The following ZNF106 variants were observed in gnomAD, a reference collection of about 807,000 sequenced individuals.
ZNF106 encodes zinc finger protein 106.
ZNF106 carries 67 observed loss-of-function variants against 195.1 expected under a neutral mutation model. The ratio of observed to expected loss-of-function variants is 0.34; its 90% CI spans 0.28 to 0.42. The LOEUF is 0.42. Ranked by LOEUF, ZNF106 falls within the 10% of genes least tolerant of loss-of-function variation. The pLI is 1.00. For missense variants in ZNF106, 2,118 were observed against 2,304.5 expected (o/e 0.92, Z 1.66); for synonymous variants, 784 against 818.6 (o/e 0.96, Z 0.72).
In ZNF106 at chr15:42,488,147, T is replaced by C. The variant is rs115487623; in HGVS notation, c.-33+2833A>G. 7.5e-3 allele frequency among the ~76,000 whole-genome samples: 1,145 copies of C among 152,276 alleles called. 19 individuals are homozygous for C. Among genetic ancestry groups the C allele is most frequent in the African/African-American group, 0.025 (1,018 of 41,542 alleles). On this transcript the variant is annotated intron_variant, in intron 1 of 21. Coordinates refer to ENST00000564754, the MANE Select transcript of ZNF106 (RefSeq NM_001366845.3). ...TTTTCAGAAATTTGTGAATTTTTTT[T>C]CCCCAAATATTATCCATCCAAAGTT... is the stretch of plus-strand genomic sequence containing the variant.
At chr15:42,478,836 T>C (rs2141442786) in intron 1 of ZNF106, among the ~76,000 whole-genome samples, 1 of 152,164 alleles carries the variant, frequency 6.6e-6, no homozygotes, top group South Asian at 2.1e-4. Flanking sequence ...CTTTACCTCC[T>C]ACCTTTTTTC....
At chr15:42,440,998 AATAT>A (rs56924955) in intron 10 of ZNF106, among the ~76,000 whole-genome samples, 775 of 22,978 alleles carry the variant, frequency 0.034, 13 homozygotes, top group Non-Finnish European at 0.04. Flanking sequence ...AAAAAAAAAA[AATAT>A]ATATATATAT....
rs192576489 is a variant in ZNF106 at position 42,424,686 on chromosome 15, C to T, written c.5190+148G>A. 1.4e-4 allele frequency: 100 copies of T among 730,542 alleles called. No individual in the cohort carries two copies. The African/African-American group carries it at 1.5e-3, about 11-fold the overall frequency. 45.3% of individuals were successfully genotyped at this position (730,542 alleles called of 1,614,324 possible). A position where few individuals can be genotyped will look rare whatever the true frequency, so the allele number is the denominator to read the frequency against. On this transcript the variant is annotated intron_variant, in intron 16 of 21. Coordinates refer to ENST00000564754, the MANE Select transcript of ZNF106 (RefSeq NM_001366845.3). ...GTAGAGATCGAGTTTTGCCATGTTGCCCTGGCTGGTCTCGAACTTCTGAGC... is the reference window on the plus strand; with the variant it reads ...GTAGAGATCGAGTTTTGCCATGTTGTCCTGGCTGGTCTCGAACTTCTGAGC...
rs781489474 is a variant in ZNF106, at chr15:42,428,025, T to G, written c.4991A>C (p.Asn1664Thr). The change falls in exon 15 of 22, where the codon AAC (asparagine) becomes ACC (threonine). Residue 1664 changes from asparagine to threonine, a missense_variant. Transcript: ENST00000564754. ...GLANGTVVTF[N>T]IKNNKRLEIF... ...TCTCCTCCAACCACTAACCTTTATG[T>G]TGAAGGTGACCACAGTGCCATTTGC... 1.2e-6 allele frequency: 2 copies of G among 1,613,714 alleles called. No individual in the cohort carries two copies. Among genetic ancestry groups the G allele is most frequent in the Non-Finnish European group, 1.7e-6 (2 of 1,179,636 alleles).
intron 20 of ZNF106, among the ~76,000 whole-genome samples, chr15:42,420,218 C>T (rs2054609726): frequency 6.6e-6 from 1 of 152,118 alleles, no homozygotes; most frequent in Admixed American, 6.5e-5. Flanking sequence ...TTTTAAATTG[C>T]ACATTATTCT....
intron 3 of ZNF106, among the ~76,000 whole-genome samples, chr15:42,464,039 T>C (rs1483068001): frequency 2.0e-5 from 3 of 149,586 alleles, no homozygotes; most frequent in Admixed American, 6.6e-5. Context: ...GTTGACATCC[T>C]GATCAAAACT....
At chr15:42,449,517 C>CT (rs1404920430) in intron 5 of ZNF106, among the ~76,000 whole-genome samples, 1 of 152,182 alleles carries the variant, frequency 6.6e-6, no homozygotes, top group Non-Finnish European at 1.5e-5. Context: ...AAAGCCATGA[C>CT]TTTTTTCCTA....
intron 14 of ZNF106, among the ~76,000 whole-genome samples, chr15:42,430,788 C>T (rs967478872): frequency 1.3e-5 from 2 of 151,908 alleles, no homozygotes; most frequent in South Asian, 2.1e-4. Context: ...CTATTTATTA[C>T]CAAAATATGC....
chr15:42,451,972 T>C lies in ZNF106; in HGVS notation c.318-18A>G. The C allele has an allele frequency of 6.3e-7, 1 of 1,590,840 alleles. No homozygotes were observed. The highest frequency in any genetic ancestry group is 8.6e-7 in the Non-Finnish European group (1 of 1,169,348). On this transcript the variant is annotated intron_variant, in intron 4 of 21. Coordinates refer to ENST00000564754, the MANE Select transcript of ZNF106 (RefSeq NM_001366845.3). The stretch of plus-strand genomic sequence containing the variant: ...CATCTTGTCTGGAAGAAAAACAGTT[T>C]TTCATTAGCGATTTAAAGGAATTCC...
rs1256531997 is a variant in ZNF106 at position 42,421,114 on chromosome 15, C to T, written c.5464G>A (p.Asp1822Asn). Residue 1822 changes from aspartate (D) to asparagine (N), a missense_variant, in exon 20 of 22, where the codon GAT becomes AAT. Asp to Asn is a conservative substitution (Grantham distance 23, BLOSUM62 1). Transcript: ENST00000564754. ...AGCCTCACGGCCTGAATACTGCCAT[C>T]ATAACAGCCAGTGTAAATCTGGAGA... ...HKSMIYTGCY[D>N]GSIQAVRLNL... is the part of the protein sequence containing the mutation. 6.2e-7 allele frequency: 1 copy of T among 1,614,128 alleles called. No homozygotes were observed. The highest frequency in any genetic ancestry group is 1.7e-5 in the Admixed American group (1 of 60,018).
At chr15:42,435,207 T>C (rs919400007) in intron 14 of ZNF106, among the ~76,000 whole-genome samples, 177 bp downstream of exon 14, 4 of 152,164 alleles carry the variant, frequency 2.6e-5, no homozygotes, top group African/African-American at 7.2e-5. Flanking sequence ...ACAGAAAATA[T>C]GGTTTATGTG....
intron 1 of ZNF106, among the ~76,000 whole-genome samples, chr15:42,484,938 C>G (rs558193315): frequency 1.5e-4 from 23 of 152,208 alleles, no homozygotes; most frequent in African/African-American, 5.1e-4. Context: ...GCGGGCGGAT[C>G]GGTAGAGTCC....
chr15:42,450,386 G>C lies in ZNF106; in HGVS notation c.1886C>G (p.Thr629Ser). ...DTEKHGTKIG[T>S]LGSATTELLS... Reference sequence around the variant, plus strand: ...CAATTCTGTAGTTGCAGAACCTAGGGTTCCAATTTTTGTTCCATGCTTTTC... The same window carrying C: ...CAATTCTGTAGTTGCAGAACCTAGGCTTCCAATTTTTGTTCCATGCTTTTC... Residue 629 changes from threonine (T) to serine (S), a missense_variant, in exon 5 of 22, where the codon ACC becomes AGC. Coordinates refer to ENST00000564754, the MANE Select transcript of ZNF106 (RefSeq NM_001366845.3). 1 of 1,614,138 alleles carries C rather than the reference G, an allele frequency of 6.2e-7. No individual in the cohort carries two copies. The highest frequency in any genetic ancestry group is 1.1e-5 in the South Asian group (1 of 91,080).
In ZNF106 at chr15:42,466,052, C is replaced by A. The variant is rs2056509278; in HGVS notation, c.116+1G>T. On this transcript the variant is annotated splice_donor_variant, in intron 3 of 21. Transcript: ENST00000564754. LOFTEE classifies it high-confidence loss of function. Reference sequence around the variant, plus strand: ...CTTATGGAAGAGAGCCGTTCCCATACCTGCCCTTGAGGTTCTCAAGTTCCC... The same window carrying A: ...CTTATGGAAGAGAGCCGTTCCCATAACTGCCCTTGAGGTTCTCAAGTTCCC... The A allele has an allele frequency of 6.5e-7, 1 of 1,534,058 alleles. No homozygotes were observed. Among genetic ancestry groups the A allele is most frequent in the South Asian group, 1.2e-5 (1 of 83,638 alleles).
chr15:42,432,518 T>C (rs1376082649), intron 14 of ZNF106, among the ~76,000 whole-genome samples: 1 of 152,076 alleles, frequency 6.6e-6, no homozygotes, highest in Non-Finnish European at 1.5e-5. Context: ...ACTATTTGCA[T>C]AGTATATCTA....
intron 5 of ZNF106, among the ~76,000 whole-genome samples, chr15:42,449,432 AAGAC>A (rs1177857239): frequency 2.0e-5 from 3 of 152,198 alleles, no homozygotes; most frequent in Non-Finnish European, 4.4e-5. Context: ...GATCTAGAAA[AAGAC>A]AGAGATCTAT....
intron 2 of ZNF106, among the ~76,000 whole-genome samples, chr15:42,469,122 T>C (rs1048198233): frequency 5.9e-5 from 9 of 151,954 alleles, no homozygotes; most frequent in Non-Finnish European, 1.2e-4. Context: ...GAGGTGGAGG[T>C]TGCAGTGAGC....
intron 1 of ZNF106, among the ~76,000 whole-genome samples, chr15:42,481,338 T>G (rs1206077972): frequency 2.0e-5 from 3 of 147,032 alleles, no homozygotes; most frequent in African/African-American, 5.3e-5. Flanking sequence ...TTCATATTCT[T>G]TCTGTTTTTT....
intron 4 of ZNF106, among the ~76,000 whole-genome samples, chr15:42,454,303 G>A (rs1209703284): frequency 3.3e-5 from 5 of 152,154 alleles, no homozygotes; most frequent in African/African-American, 1.2e-4. Flanking sequence ...ATTATTACAT[G>A]CAGTAGCAGA....
Sources: gnomAD v4.1 joint callset for allele counts (sites outside exome capture counted in the v4.1 genomes callset) on GRCh38, gnomAD v4.1.1 for gene constraint, MANE v1.5 for transcripts, NCBI Gene and HGNC (gene_info 2026-07-23, HGNC 2026-07-21) for gene names.